Variants in SLC10A7 observed in about 807,000 individuals in gnomAD.
The protein encoded by SLC10A7 is solute carrier family 10 member 7.
SLC10A7 carries 29 observed loss-of-function variants against 43.2 expected under a neutral mutation model. The observed-to-expected ratio is 0.67, with a 90% CI of 0.50 to 0.92. The LOEUF (loss-of-function observed/expected upper bound fraction) is 0.92. SLC10A7 is among the 40% of genes least tolerant of loss of function. The probability of loss-of-function intolerance (pLI) is 0.00; values close to 1 mark genes in which losing one functional copy is unlikely to be tolerated. For synonymous variants in SLC10A7, 152 were observed against 144.8 expected, an observed-to-expected ratio of 1.05 and a Z score of -0.35; for missense variants, 295 against 403.2, an observed-to-expected ratio of 0.73 and a Z score of 2.30.
At chr4:146,374,904 G>T (rs571846676) in intron 5 of SLC10A7, among the ~76,000 whole-genome samples, 14 of 152,114 alleles carry the variant, frequency 9.2e-5, no homozygotes, top group Non-Finnish European at 1.5e-5. Flanking sequence ...TTCTAATATT[G>T]TTAAATTATC....
chr4:146,295,216 C>CATGAAGTG, intron 7 of SLC10A7, among the ~76,000 whole-genome samples: 1 of 152,220 alleles, frequency 6.6e-6, no homozygotes, highest in East Asian at 1.9e-4. Context: ...CTCAGGGACT[C>CATGAAGTG]ATGAAGTGAA....
intron 7 of SLC10A7, among the ~76,000 whole-genome samples, chr4:146,302,659 G>A (rs148199192): frequency 5.6e-4 from 85 of 152,236 alleles, no homozygotes; most frequent in South Asian, 1.7e-3. Flanking sequence ...CAGAAAGAAT[G>A]AGCAGGAACT....
chr4:146,479,271 G>A (rs762811604), intron 4 of SLC10A7, among the ~76,000 whole-genome samples: 4 of 152,054 alleles, frequency 2.6e-5, no homozygotes, highest in South Asian at 2.1e-4. Context: ...AATTATCTTC[G>A]TAATAATCAA....
At chr4:146,426,364 C>G (rs1301703782) in intron 5 of SLC10A7, among the ~76,000 whole-genome samples, 1 of 152,124 alleles carries the variant, frequency 6.6e-6, no homozygotes, top group Admixed American at 6.6e-5. Context: ...CTATGTGGCA[C>G]CCAACCTCTC....
chr4:146,390,272 A>G (rs912502720), intron 5 of SLC10A7, among the ~76,000 whole-genome samples: 2 of 152,208 alleles, frequency 1.3e-5, no homozygotes, highest in African/African-American at 4.8e-5. Flanking sequence ...TAAAGCTAAT[A>G]GTTATTAAAG....
chr4:146,268,786 T>A (rs1293012465), intron 10 of SLC10A7, among the ~76,000 whole-genome samples: 1 of 152,086 alleles, frequency 6.6e-6, no homozygotes, highest in African/African-American at 2.4e-5. Context: ...ACAGACTAGC[T>A]CTAGAGTCTG....
intron 5 of SLC10A7, among the ~76,000 whole-genome samples, chr4:146,360,833 G>A (rs1735993337): frequency 6.6e-6 from 1 of 152,098 alleles, no homozygotes; most frequent in Admixed American, 6.6e-5. Context: ...CAAGAAAGAA[G>A]TAAACTAGGA....
chr4:146,409,741 G>C (rs918868873), intron 5 of SLC10A7, among the ~76,000 whole-genome samples: 3 of 152,096 alleles, frequency 2.0e-5, no homozygotes, highest in Non-Finnish European at 2.9e-5. Context: ...AAATAGAGCC[G>C]TTGTCCTATA....
intron 5 of SLC10A7, among the ~76,000 whole-genome samples, chr4:146,327,754 G>A (rs1400377308): frequency 6.6e-6 from 1 of 152,224 alleles, no homozygotes; most frequent in African/African-American, 2.4e-5. Context: ...GACCGGCGCT[G>A]CCACAACTAC....
At chr4:146,376,722 C>T (rs947951340) in intron 5 of SLC10A7, among the ~76,000 whole-genome samples, 13 of 151,998 alleles carry the variant, frequency 8.6e-5, no homozygotes, top group Admixed American at 7.2e-4. Flanking sequence ...TCAGCAAGGC[C>T]ATTTTTATAC....
At chr4:146,369,017 CA>C (rs1274694987) in intron 5 of SLC10A7, among the ~76,000 whole-genome samples, 4 of 152,294 alleles carry the variant, frequency 2.6e-5, no homozygotes, top group Admixed American at 2.0e-4. Context: ...CAACACCTAT[CA>C]GGGGCACTTA....
chr4:146,506,746 T>G lies in SLC10A7; in HGVS notation c.321-2822A>C, dbSNP rs192555758. 2.0e-3 allele frequency among the ~76,000 whole-genome samples: 311 copies of G among 152,302 alleles called. 1 individual carries two copies. Among genetic ancestry groups the G allele is most frequent in the African/African-American group, 7.3e-3 (303 of 41,564 alleles). On this transcript the variant is annotated intron_variant, in intron 3 of 11. Coordinates refer to ENST00000335472, the MANE Select transcript of SLC10A7 (RefSeq NM_001029998.6). ...CAGTCATTCTGGTGTTTTTGTTTGT[T>G]TGTTTGGTTTTTTTTTGTTTTTGTT...
At chr4:146,310,592 TC>T (rs1731904319) in intron 6 of SLC10A7, among the ~76,000 whole-genome samples, 2 of 152,160 alleles carry the variant, frequency 1.3e-5, no homozygotes, top group Admixed American at 1.3e-4. Context: ...GAGCTTTTTT[TC>T]CTATATTTGT....
At chr4:146,355,338 G>A (rs1464681668) in intron 5 of SLC10A7, among the ~76,000 whole-genome samples, 1 of 152,144 alleles carries the variant, frequency 6.6e-6, no homozygotes, top group Non-Finnish European at 1.5e-5. Flanking sequence ...ACCACTATGA[G>A]ATATCATCTC....
chr4:146,346,682 G>A (rs1734644267), intron 5 of SLC10A7, among the ~76,000 whole-genome samples: 1 of 152,042 alleles, frequency 6.6e-6, no homozygotes, highest in South Asian at 2.1e-4. Context: ...GTATTTAAAT[G>A]TGTAACATAA....
intron 5 of SLC10A7, among the ~76,000 whole-genome samples, chr4:146,396,493 T>C (rs59148890): frequency 0.011 from 1,665 of 152,244 alleles, 46 homozygotes; most frequent in East Asian, 0.084. Context: ...GAAGGAATTG[T>C]TGCTGACATC....
chr4:146,378,937 C>G (rs1468109209), intron 5 of SLC10A7, among the ~76,000 whole-genome samples: 1 of 152,012 alleles, frequency 6.6e-6, no homozygotes, highest in Non-Finnish European at 1.5e-5. Context: ...AGTATTAGAA[C>G]AGTCAAGAGA....
intron 5 of SLC10A7, among the ~76,000 whole-genome samples, chr4:146,407,309 C>T (rs1013511937): frequency 3.3e-5 from 5 of 152,160 alleles, no homozygotes; most frequent in Non-Finnish European, 7.3e-5. Context: ...ACCCATGATA[C>T]CATCACCACA....
intron 5 of SLC10A7, among the ~76,000 whole-genome samples, chr4:146,386,681 C>T (rs964302277): frequency 2.0e-5 from 3 of 152,262 alleles, no homozygotes; most frequent in Admixed American, 6.5e-5. Flanking sequence ...GTACTGTTAT[C>T]GGCCATATGT....
Sources: gnomAD v4.1 joint callset for allele counts (sites outside exome capture counted in the v4.1 genomes callset) on GRCh38, gnomAD v4.1.1 for gene constraint, MANE v1.5 for transcripts, NCBI Gene and HGNC (gene_info 2026-07-23, HGNC 2026-07-21) for gene names.